Variants in GALNT13 observed in about 807,000 individuals in gnomAD.
The protein encoded by GALNT13 is UDP-GalNAc:polypeptide N-acetylgalactosaminyltransferase 13.
GALNT13 carries 28 observed loss-of-function variants against 64.2 expected under a neutral mutation model. The ratio of observed to expected loss-of-function variants is 0.44; its 90% CI spans 0.32 to 0.60. The LOEUF (loss-of-function observed/expected upper bound fraction) is 0.60. Ranked by LOEUF, GALNT13 falls within the 20% of genes least tolerant of loss-of-function variation. The pLI is 0.05. For synonymous variants in GALNT13, 214 were observed against 224.6 expected (o/e 0.95, Z 0.42); for missense variants, 577 against 669.8 (o/e 0.86, Z 1.53).
At chr2:153,316,297 C>T in the GALNT13 span, among the ~76,000 whole-genome samples, 1 of 152,002 alleles carries the variant, frequency 6.6e-6, no homozygotes, top group African/African-American at 2.4e-5. Flanking sequence ...CTGACCCAAC[C>T]CTCCTAATCC....
the GALNT13 span, among the ~76,000 whole-genome samples, chr2:153,641,600 A>G: frequency 2.0e-5 from 3 of 152,238 alleles, no homozygotes; most frequent in South Asian, 4.1e-4. Context: ...TGTAAGCGGG[A>G]TCCACTATAT....
At chr2:153,524,321 CTTTT>C in the GALNT13 span, among the ~76,000 whole-genome samples, 23 of 134,988 alleles carry the variant, frequency 1.7e-4, no homozygotes, top group Non-Finnish European at 1.3e-4. Flanking sequence ...TATTCCTTCT[CTTTT>C]TTTTTTTTTT....
At chr2:153,795,958 T>C in the GALNT13 span, among the ~76,000 whole-genome samples, 1 of 152,226 alleles carries the variant, frequency 6.6e-6, no homozygotes, top group African/African-American at 2.4e-5. Context: ...CTTTCCTCTG[T>C]TCTTGCGTGT....
the GALNT13 span, among the ~76,000 whole-genome samples, chr2:153,465,301 T>C: frequency 1.1e-4 from 17 of 152,066 alleles, no homozygotes; most frequent in African/African-American, 4.1e-4. Flanking sequence ...AAGAACCTCA[T>C]ATCCTTCAGA....
At chr2:153,402,554 T>C in the GALNT13 span, among the ~76,000 whole-genome samples, 90 of 152,208 alleles carry the variant, frequency 5.9e-4, no homozygotes, top group African/African-American at 2.1e-3. Flanking sequence ...CCCCATCACT[T>C]TCAGGTACAC....
At chr2:153,939,244 T>C (rs745823390) in intron 2 of GALNT13, among the ~76,000 whole-genome samples, 1 of 152,126 alleles carries the variant, frequency 6.6e-6, no homozygotes, top group Non-Finnish European at 1.5e-5. Flanking sequence ...CAGGGAGCCA[T>C]GAACCTATGA....
chr2:154,238,615 A>G (rs546638020), intron 4 of GALNT13, among the ~76,000 whole-genome samples: 3 of 152,184 alleles, frequency 2.0e-5, no homozygotes, highest in Admixed American at 6.5e-5. Context: ...TGCATTTAAG[A>G]TAACTAGATA....
At chr2:153,301,176 A>C in the GALNT13 span, among the ~76,000 whole-genome samples, 1 of 151,924 alleles carries the variant, frequency 6.6e-6, no homozygotes, top group East Asian at 1.9e-4. Context: ...AGCCTGAGCG[A>C]CCGGAGTGAG....
At chr2:154,364,430 G>C (rs773393786) in intron 9 of GALNT13, among the ~76,000 whole-genome samples, 2 of 150,202 alleles carry the variant, frequency 1.3e-5, no homozygotes, top group Non-Finnish European at 3.0e-5. Flanking sequence ...AGAATATCTC[G>C]ACTCCAGTAA....
intron 4 of GALNT13, among the ~76,000 whole-genome samples, chr2:154,187,764 A>C (rs1156389832): frequency 6.6e-6 from 1 of 152,188 alleles, no homozygotes; most frequent in African/African-American, 2.4e-5. Context: ...AATTTACTGC[A>C]TACATACAAA....
the GALNT13 span, among the ~76,000 whole-genome samples, chr2:153,668,004 T>C: frequency 6.6e-6 from 1 of 151,708 alleles, no homozygotes; most frequent in Non-Finnish European, 1.5e-5. Context: ...ACCAACAAGA[T>C]CAAAAAGGAC....
chr2:153,678,934 A>G, the GALNT13 span, among the ~76,000 whole-genome samples: 1 of 151,984 alleles, frequency 6.6e-6, no homozygotes, highest in Admixed American at 6.6e-5. Context: ...TGTTGAGAGT[A>G]TGGAAAATGG....
At chr2:154,107,618 T>C (rs899882783) in intron 3 of GALNT13, among the ~76,000 whole-genome samples, 12 of 149,098 alleles carry the variant, frequency 8.0e-5, no homozygotes, top group Non-Finnish European at 1.6e-4. Context: ...AGAAAAGAAA[T>C]ATACTCTCTT....
chr2:154,083,122 C>T (rs940497327), intron 3 of GALNT13, among the ~76,000 whole-genome samples: 4 of 152,000 alleles, frequency 2.6e-5, no homozygotes, highest in Admixed American at 6.6e-5. Flanking sequence ...TTTCAGTTTT[C>T]TGCATATGGC....
intron 3 of GALNT13, among the ~76,000 whole-genome samples, chr2:154,078,061 T>C (rs1436893165): frequency 1.3e-5 from 2 of 151,518 alleles, no homozygotes; most frequent in African/African-American, 2.4e-5. Flanking sequence ...ATGGATATTT[T>C]CCAAATACTC....
At chr2:153,420,470 A>G in the GALNT13 span, among the ~76,000 whole-genome samples, 2 of 152,202 alleles carry the variant, frequency 1.3e-5, no homozygotes, top group Admixed American at 1.3e-4. Flanking sequence ...ATCTCCATGT[A>G]TATGGAAATT....
At chr2:153,693,835 C>T in the GALNT13 span, among the ~76,000 whole-genome samples, 1 of 152,106 alleles carries the variant, frequency 6.6e-6, no homozygotes, top group Non-Finnish European at 1.5e-5. Context: ...AAGCAATCGG[C>T]TGGGCGCGGT....
intron 9 of GALNT13, among the ~76,000 whole-genome samples, chr2:154,369,850 C>T (rs551814516): frequency 1.3e-5 from 2 of 152,244 alleles, no homozygotes; most frequent in Admixed American, 6.5e-5. Flanking sequence ...ATAGGCTTCT[C>T]GCTGTGTGCT....
chr2:153,991,027 A>T (rs1444383899), intron 3 of GALNT13, among the ~76,000 whole-genome samples: 1 of 152,194 alleles, frequency 6.6e-6, no homozygotes, highest in Non-Finnish European at 1.5e-5. Context: ...CTCTGGGGAC[A>T]TATGTTCAAC....
Sources: allele counts gnomAD v4.1 joint callset (sites outside exome capture counted in the v4.1 genomes callset), GRCh38; gene constraint gnomAD v4.1.1; transcripts MANE v1.5; gene names NCBI Gene and HGNC (gene_info 2026-07-23, HGNC 2026-07-21).